The following VPS8 variants were observed in gnomAD, a reference collection of about 807,000 sequenced individuals.
The protein encoded by VPS8 is vacuolar protein sorting-associated protein 8 homolog.
Under a neutral mutation model 216.4 loss-of-function variants are expected in VPS8, and 129 were observed. That is an observed-to-expected ratio of 0.60 (90% CI 0.52 to 0.69). VPS8 has a LOEUF of 0.69. Ranked by LOEUF, VPS8 falls within the 30% of genes least tolerant of loss-of-function variation. VPS8 has a pLI of 0.00. For missense variants in VPS8, 1,531 were observed against 1,683.5 expected, an observed-to-expected ratio of 0.91 and a Z score of 1.59; for synonymous variants, 571 against 565.4, an observed-to-expected ratio of 1.01 and a Z score of -0.14.
intron 45 of VPS8, among the ~76,000 whole-genome samples, chr3:185,018,229 T>C (rs1360105575): frequency 6.6e-6 from 1 of 152,218 alleles, no homozygotes; most frequent in Non-Finnish European, 1.5e-5. Flanking sequence ...AGCTAATAAC[T>C]GCAACACTAT....
At chr3:185,032,860 G>C (rs954154147) in intron 46 of VPS8, among the ~76,000 whole-genome samples, 3 of 152,100 alleles carry the variant, frequency 2.0e-5, no homozygotes, top group East Asian at 3.9e-4. Context: ...GTAGAGACGG[G>C]GTTTCACCGA....
At chr3:184,878,499 G>C (rs561915825) in intron 21 of VPS8, among the ~76,000 whole-genome samples, 12 of 152,260 alleles carry the variant, frequency 7.9e-5, no homozygotes, top group Admixed American at 2.0e-4. Context: ...ATAATTCAAG[G>C]CTATTTTTGT....
intron 6 of VPS8, 39 bp from the exon 7 acceptor site, chr3:184,839,659 T>G (rs1372844520): frequency 2.6e-6 from 4 of 1,560,806 alleles, no homozygotes; most frequent in Non-Finnish European, 3.5e-6. Context: ...AGATTCTTAA[T>G]GTAATGTCTT....
At chr3:184,816,762 T>C (rs963706678) in intron 1 of VPS8, among the ~76,000 whole-genome samples, 4 of 152,176 alleles carry the variant, frequency 2.6e-5, no homozygotes, top group Admixed American at 1.3e-4. Flanking sequence ...GCGTTTGTTA[T>C]TTTGAGCACA....
At chr3:184,975,291 T>G (rs1190818916) in intron 40 of VPS8, among the ~76,000 whole-genome samples, 1 of 152,134 alleles carries the variant, frequency 6.6e-6, no homozygotes, top group East Asian at 1.9e-4. Flanking sequence ...CTAGGTATTT[T>G]GTTTTATTGT....
intron 39 of VPS8, 25 bp from the exon 40 acceptor site, chr3:184,971,624 A>G (rs778180437): frequency 8.9e-6 from 14 of 1,575,364 alleles, no homozygotes. Context: ...TCCTTAAATG[A>G]TGTTTACACT....
rs1253797011 is a variant in VPS8 at position 184,983,094 on chromosome 3, G to A, written c.3585G>A (p.Gln1195=). The part of the protein sequence containing the change: ...ALPSILQRIL[Q]DPVYGKGKLG... ...CATCAATCTTGCAAAGAATCTTACA[G>A]GTGAGTTAAAAGGGGTGAATATTAA... The change falls in exon 42 of 48, where the codon CAG becomes CAA. Residue 1195 remains glutamine, a splice_region_variant and synonymous_variant. Transcript: ENST00000625842. 37 of 1,601,918 alleles carry A rather than the reference G, an allele frequency of 2.3e-5. No individual in the cohort carries two copies. The highest frequency in any genetic ancestry group is 3.1e-5 in the Non-Finnish European group (36 of 1,173,630).
intron 46 of VPS8, 147 bp downstream of exon 46, chr3:185,024,536 C>T (rs966573631): frequency 1.1e-6 from 1 of 914,188 alleles, no homozygotes; most frequent in Admixed American, 3.0e-5. Context: ...AATGACATGT[C>T]TCCAGGCCTC....
intron 5 of VPS8, among the ~76,000 whole-genome samples, chr3:184,837,378 C>T (rs1186999295): frequency 3.9e-5 from 6 of 152,178 alleles, no homozygotes; most frequent in Non-Finnish European, 7.3e-5. Context: ...AAGTCAGTTT[C>T]TAAGAACTTA....
In VPS8 at chr3:184,964,546, A is replaced by G; in HGVS notation, c.3262A>G (p.Ile1088Val). Residue 1088 changes from isoleucine (I) to valine (V), a missense_variant, in exon 38 of 48, where the codon ATA becomes GTA. Transcript: ENST00000625842. Reference protein sequence around the residue: ...KKGDIHGAFLIMLERLQSKLQ... With the variant: ...KKGDIHGAFLVMLERLQSKLQ... ...AGGAGATATTCATGGTGCCTTCCTAATAATGTTAGAGGTAACACTTTACTA... is the reference window on the plus strand; with the variant it reads ...AGGAGATATTCATGGTGCCTTCCTAGTAATGTTAGAGGTAACACTTTACTA... 1 of 1,515,464 alleles carries G rather than the reference A, an allele frequency of 6.6e-7. No homozygotes were observed. 93.9% of individuals were successfully genotyped at this position (1,515,464 alleles called of 1,614,324 possible). A position where few individuals can be genotyped will look rare whatever the true frequency, so the allele number is the denominator to read the frequency against.
intron 1 of VPS8, among the ~76,000 whole-genome samples, chr3:184,818,948 G>T (rs926872066): frequency 2.0e-5 from 3 of 151,982 alleles, no homozygotes; most frequent in Admixed American, 1.3e-4. Flanking sequence ...TAGGAGGATC[G>T]CTTGAGGCCA....
chr3:184,899,595 T>A (rs1734120112), intron 24 of VPS8, among the ~76,000 whole-genome samples: 1 of 152,008 alleles, frequency 6.6e-6, no homozygotes, highest in Non-Finnish European at 1.5e-5. Flanking sequence ...TCTCAAGGAT[T>A]TTTTTTTGTC....
chr3:185,015,660 T>C (rs904363504), intron 45 of VPS8, among the ~76,000 whole-genome samples: 4 of 152,200 alleles, frequency 2.6e-5, no homozygotes, highest in African/African-American at 9.7e-5. Context: ...AAATTGAAAG[T>C]TTTGTTTTAG....
Position 185,022,580 on chromosome 3 carries a change from C to T in VPS8, c.4003-1756C>T, listed in dbSNP as rs575584384. On this transcript the variant is annotated intron_variant, in intron 45 of 47. Transcript: ENST00000625842. ...TCATTTAATTTGTCAAGCTTATTGG[C>T]ATAAAATTATTCACAAAAGGTTCTT... Among the ~76,000 whole-genome samples the T allele has an allele frequency of 2.0e-5, 3 of 152,216 alleles. No individual in the cohort carries two copies. In the East Asian group the frequency reaches 5.8e-4, roughly 29 times the overall value.
At chr3:185,002,628 C>T (rs1169922749) in intron 45 of VPS8, among the ~76,000 whole-genome samples, 1 of 152,110 alleles carries the variant, frequency 6.6e-6, no homozygotes, top group Admixed American at 6.5e-5. Flanking sequence ...CCTGAGTCCC[C>T]AAAGTCCATT....
rs575272480 is a variant in VPS8 at position 184,913,506 on chromosome 3, C to T, written c.2147-13C>T. On this transcript the variant is annotated splice_polypyrimidine_tract_variant and intron_variant, in intron 25 of 47. Coordinates refer to ENST00000625842, the MANE Select transcript of VPS8 (RefSeq NM_001009921.3). Reference sequence around the variant, plus strand: ...AGAGAAAATTGCTGAAGATACTTCTCTTTCTATTTTAGATGAACAAGTTGT... The same window carrying T: ...AGAGAAAATTGCTGAAGATACTTCTTTTTCTATTTTAGATGAACAAGTTGT... 1 of 1,578,352 alleles carries T rather than the reference C, an allele frequency of 6.3e-7. No individual in the cohort carries two copies. The highest frequency in any genetic ancestry group is 1.2e-5 in the South Asian group (1 of 84,376).
At chr3:184,897,467 G>C (rs1283930149) in intron 23 of VPS8, among the ~76,000 whole-genome samples, 1 of 152,156 alleles carries the variant, frequency 6.6e-6, no homozygotes, top group African/African-American at 2.4e-5. Flanking sequence ...CAGGAGTTCT[G>C]GTTGGCCATT....
intron 44 of VPS8, 31 bp from the exon 45 acceptor site, chr3:184,999,665 A>G: frequency 6.3e-7 from 1 of 1,576,466 alleles, no homozygotes; most frequent in Non-Finnish European, 8.6e-7. Flanking sequence ...GTGATAATAA[A>G]AAGTACAAAT....
chr3:184,875,492 G>A (rs1041040040), intron 21 of VPS8, among the ~76,000 whole-genome samples: 20 of 152,158 alleles, frequency 1.3e-4, no homozygotes, highest in African/African-American at 4.8e-4. Flanking sequence ...GGATAAAAAG[G>A]AATTACAGTG....
Sources: gnomAD v4.1 joint callset for allele counts (sites outside exome capture counted in the v4.1 genomes callset) on GRCh38, gnomAD v4.1.1 for gene constraint, MANE v1.5 for transcripts, NCBI Gene and HGNC (gene_info 2026-07-23, HGNC 2026-07-21) for gene names.